DMD: variants seen among roughly 807,000 people sequenced by gnomAD.
DMD encodes the protein dystrophin, also known as mutant dystrophin.
Under a neutral mutation model 330.1 loss-of-function variants are expected in DMD, and 63 were observed. The observed-to-expected ratio is 0.19, with a 90% CI of 0.16 to 0.24. DMD has a LOEUF of 0.24. DMD is among the 10% of genes least tolerant of loss of function. DMD has a pLI of 1.00. For synonymous variants in DMD, 1,223 were observed against 959.8 expected (o/e 1.27, Z -5.07); for missense variants, 3,344 against 2,684.1 (o/e 1.25, Z -5.43).
At chrX:32,746,785 A>ACACT (rs931013638) in intron 7 of DMD, among the ~76,000 whole-genome samples, 3 of 111,612 alleles carry the variant, frequency 2.7e-5, no homozygotes, top group African/African-American at 9.8e-5. Context: ...ACAGTGCTTT[A>ACACT]GAACACTAGT....
In DMD at chrX:33,237,621, G is replaced by A. The variant is rs1365310971; in HGVS notation, c.7+101638C>T. The stretch of plus-strand genomic sequence containing the variant: ...GGCAATAGCAACTGAATATAGGAAT[G>A]AACTTAATATTTCTCATACATGAAG... On this transcript the variant is annotated intron_variant, in intron 1 of 17. Transcript: ENST00000288447. 4.5e-5 allele frequency among the ~76,000 whole-genome samples: 5 copies of A among 111,664 alleles called. No homozygotes were observed. The East Asian group carries it at 1.1e-3, about 25-fold the overall frequency.
rs1391618431 is a variant in DMD at position 32,734,914 on chromosome X, G to C, written c.650-35621C>G. 1.4e-3 allele frequency among the ~76,000 whole-genome samples: 150 copies of C among 105,448 alleles called. 2 individuals are homozygous for C. Among genetic ancestry groups the C allele is most frequent in the Non-Finnish European group, 1.2e-3 (62 of 52,041 alleles). 91.6% of individuals were successfully genotyped at this position (105,448 alleles called of 115,157 possible). On this transcript the variant is annotated intron_variant, in intron 7 of 78. Transcript: ENST00000357033. ...AACATAGTGTTGGAAGTTCTGGCCAGGGCAATTAGGCAGGAGAAGGAAATA... is the reference window on the plus strand; with the variant it reads ...AACATAGTGTTGGAAGTTCTGGCCACGGCAATTAGGCAGGAGAAGGAAATA...
intron 1 of DMD, among the ~76,000 whole-genome samples, chrX:33,307,865 C>T (rs973588256): frequency 1.8e-5 from 2 of 111,056 alleles, no homozygotes; most frequent in Non-Finnish European, 3.8e-5. Flanking sequence ...GTCCCCAAAT[C>T]CTACCTCCTT....
rs764476153 is a variant in DMD, at chrX:32,365,092, A to G, written c.4953T>C (p.Asp1651=). The stretch of plus-strand genomic sequence containing the variant: ...AGTTACTATTCAGAAGACTGAGTTT[A>G]TCTTCCACCAACGTCTCCTTCTTGC... ...VLGKKETLVE[D]KLSLLNSNWI... Residue 1651 remains aspartate (D), a synonymous_variant, in exon 35 of 79, where the codon GAT becomes GAC. Coordinates refer to ENST00000357033, the MANE Select transcript of DMD (RefSeq NM_004006.3). 17 of 1,208,713 alleles carry G rather than the reference A, an allele frequency of 1.4e-5. No individual in the cohort carries two copies. The South Asian group carries it at 3.0e-4, about 21-fold the overall frequency.
At chrX:33,320,644 CTG>C (rs2054002216) in intron 1 of DMD, among the ~76,000 whole-genome samples, 1 of 112,113 alleles carries the variant, frequency 8.9e-6, no homozygotes, top group African/African-American at 3.2e-5. Context: ...GTGGGAGTGA[CTG>C]TGACAACTTT....
intron 38 of DMD, 137 bp downstream of exon 38, chrX:32,348,269 C>G (rs931423337): frequency 1.6e-6 from 1 of 638,299 alleles, no homozygotes; most frequent in Middle Eastern, 3.8e-4. Context: ...CAAGAATATT[C>G]TGCATTTATA....
At chrX:31,338,191 C>T (rs985023531) in intron 61 of DMD, among the ~76,000 whole-genome samples, 4 of 107,996 alleles carry the variant, frequency 3.7e-5, no homozygotes, top group African/African-American at 1.0e-4. Context: ...CCTGGCTGGG[C>T]GCGGTGGCTC....
At position 31,963,787 on chromosome X, in the gene DMD, C is replaced by CTT. The variant is rs369054870; in HGVS notation, c.6614+4550_6614+4551dup. Among the ~76,000 whole-genome samples the CTT allele has an allele frequency of 3.9e-3, 310 of 80,406 alleles. 6 individuals are homozygous for CTT. The highest frequency in any genetic ancestry group is 0.014 in the African/African-American group (289 of 20,767). The allele number at this position is 80,406 out of a possible 115,157, so 69.8% of individuals were successfully genotyped here. On this transcript the variant is annotated intron_variant, in intron 45 of 78. Transcript: ENST00000357033. ...TTTGACATAAATATAGAGGAAAAAC[C>CTT]TTTTTTTTTTTTTTTTTTCAAACAG...
At chrX:31,830,865 T>C (rs2093011857) in intron 49 of DMD, among the ~76,000 whole-genome samples, 1 of 111,887 alleles carries the variant, frequency 8.9e-6, no homozygotes, top group Non-Finnish European at 1.9e-5. Context: ...AAGGCCTTTC[T>C]GCTATCACAG....
At chrX:32,492,051 G>A (rs925134533) in intron 19 of DMD, among the ~76,000 whole-genome samples, 5 of 112,138 alleles carry the variant, frequency 4.5e-5, no homozygotes, top group Non-Finnish European at 9.4e-5. Context: ...GAAATAAACA[G>A]ATTGTCGGCT....
At chrX:31,803,802 C>A (rs997265732) in intron 50 of DMD, among the ~76,000 whole-genome samples, 3 of 110,314 alleles carry the variant, frequency 2.7e-5, no homozygotes, top group Admixed American at 9.6e-5. Flanking sequence ...TGGGTTCAAG[C>A]GATTCTCCTG....
chrX:32,039,644 T>C (rs1417722255), intron 44 of DMD, among the ~76,000 whole-genome samples: 3 of 111,905 alleles, frequency 2.7e-5, no homozygotes, highest in Admixed American at 9.5e-5. Context: ...ATAAACGATA[T>C]AGAACATCAC....
intron 76 of DMD, among the ~76,000 whole-genome samples, chrX:31,143,487 T>C (rs770501928): frequency 1.8e-5 from 2 of 112,143 alleles, no homozygotes; most frequent in Admixed American, 1.9e-4. Context: ...GGTAGTTCTT[T>C]ATAGCAGTGT....
chrX:31,155,803 G>A (rs1209028511), intron 74 of DMD, among the ~76,000 whole-genome samples: 1 of 110,252 alleles, frequency 9.1e-6, no homozygotes, highest in African/African-American at 3.3e-5. Flanking sequence ...AACATAGGGA[G>A]ACACCCCCAC....
At position 33,051,646 on chromosome X, in the gene DMD, A is replaced by ATTTTTTTTTTTTT. The variant is rs754035822; in HGVS notation, c.32-31459_32-31447dup. Among the ~76,000 whole-genome samples, 47 of 71,916 alleles carry ATTTTTTTTTTTTT rather than the reference A, an allele frequency of 6.5e-4. 5 individuals carry two copies. The highest frequency in any genetic ancestry group is 2.9e-3 in the African/African-American group (45 of 15,365). 62.5% of individuals were successfully genotyped at this position (71,916 alleles called of 115,157 possible). On this transcript the variant is annotated intron_variant, in intron 1 of 78. Transcript: ENST00000357033. ...TAAGGAAAATATATAATTACGCTCTATTTTTTTTTTTTTTTTTTTGAGACG... is the reference window on the plus strand; with the variant it reads ...TAAGGAAAATATATAATTACGCTCTATTTTTTTTTTTTTTTTTTTTTTTTTTTTTTTTGAGACG...
At chrX:33,070,671 C>CTATATA (rs2094737044) in intron 1 of DMD, among the ~76,000 whole-genome samples, 5 of 44,024 alleles carry the variant, frequency 1.1e-4, no homozygotes, top group African/African-American at 4.0e-4. Context: ...CTCTCTCTCT[C>CTATATA]TCTATATATA....
At chrX:32,573,913 A>C in intron 13 of DMD, 67 bp from the exon 14 acceptor site, 1 of 986,310 alleles carries the variant, frequency 1.0e-6, no homozygotes, top group African/African-American at 1.9e-5. Flanking sequence ...TAAAAATGGC[A>C]TGAATAATTT....
At chrX:31,123,051 TGTTAAAAATACCA>T (rs1389983764) in intron 78 of DMD, among the ~76,000 whole-genome samples, 1 of 111,602 alleles carries the variant, frequency 9.0e-6, no homozygotes, top group Non-Finnish European at 1.9e-5. Context: ...CCATAATAAT[TGTTAAAAATACCA>T]ATAAAAATTA....
chrX:32,506,667 G>A (rs1035286483), intron 18 of DMD, among the ~76,000 whole-genome samples: 1 of 111,689 alleles, frequency 9.0e-6, no homozygotes, highest in African/African-American at 3.2e-5. Context: ...AACTCTGAAA[G>A]TGACAGACAC....
Sources: allele counts gnomAD v4.1 joint callset (sites outside exome capture counted in the v4.1 genomes callset), GRCh38; gene constraint gnomAD v4.1.1; transcripts MANE v1.5; gene names NCBI Gene and HGNC (gene_info 2026-07-23, HGNC 2026-07-21).